Variants in RGS6 observed in about 807,000 individuals in gnomAD.
The protein encoded by RGS6 is regulator of G-protein signaling 6.
RGS6 carries 30 observed loss-of-function variants against 78.5 expected under a neutral mutation model. The observed-to-expected ratio is 0.38, with a 90% confidence interval of 0.29 to 0.52. RGS6 has a LOEUF of 0.52. Among genes scored for constraint, RGS6 ranks in the 20% least tolerant of loss-of-function variants. The pLI is 0.85. For synonymous variants in RGS6, 206 were observed against 206.0 expected, an observed-to-expected ratio of 1.00 and a Z score of 0.00; for missense variants, 495 against 609.7, an observed-to-expected ratio of 0.81 and a Z score of 1.98.
intron 2 of RGS6, among the ~76,000 whole-genome samples, chr14:72,319,849 C>T (rs1211151565): frequency 1.3e-5 from 2 of 152,040 alleles, no homozygotes; most frequent in African/African-American, 4.8e-5. Context: ...CAATATATCC[C>T]TGAAGAAGAG....
intron 3 of RGS6, among the ~76,000 whole-genome samples, chr14:72,446,253 A>C (rs11628490): frequency 1.3e-5 from 2 of 151,998 alleles, no homozygotes; most frequent in Admixed American, 1.3e-4. Context: ...CCAGAACCAT[A>C]GACAATAAAT....
chr14:72,379,678 G>T (rs2085564958), intron 3 of RGS6, among the ~76,000 whole-genome samples: 1 of 151,854 alleles, frequency 6.6e-6, no homozygotes, highest in Non-Finnish European at 1.5e-5. Flanking sequence ...AGTTGAAGAG[G>T]ATACAAATGG....
chr14:72,108,102 T>C (rs908372341), intron 2 of RGS6, among the ~76,000 whole-genome samples: 2 of 152,176 alleles, frequency 1.3e-5, no homozygotes, highest in African/African-American at 4.8e-5. Context: ...GCTCATTCTG[T>C]AGTAGTCGCC....
intron 2 of RGS6, among the ~76,000 whole-genome samples, chr14:71,984,236 A>G (rs535528437): frequency 2.0e-5 from 3 of 151,612 alleles, no homozygotes; most frequent in African/African-American, 7.3e-5. Flanking sequence ...TGCTATCAGA[A>G]TTTGAATCTA....
intron 2 of RGS6, among the ~76,000 whole-genome samples, chr14:72,194,943 A>G (rs1337244799): frequency 6.6e-6 from 1 of 152,152 alleles, no homozygotes; most frequent in Non-Finnish European, 1.5e-5. Flanking sequence ...GCAGTGGCTC[A>G]CACCTGTCAA....
chr14:71,944,638 A>T (rs1264461069), intron 1 of RGS6, among the ~76,000 whole-genome samples: 1 of 152,248 alleles, frequency 6.6e-6, no homozygotes, highest in Non-Finnish European at 1.5e-5. Flanking sequence ...CAGAGACAGC[A>T]TTTTATCATC....
intron 1 of RGS6, among the ~76,000 whole-genome samples, chr14:71,940,702 T>C (rs999755419): frequency 2.0e-5 from 3 of 152,214 alleles, no homozygotes; most frequent in African/African-American, 7.2e-5. Flanking sequence ...CATTTTGTAG[T>C]TGAGTGACTG....
intron 2 of RGS6, among the ~76,000 whole-genome samples, chr14:72,223,334 C>G (rs942326643): frequency 2.0e-5 from 3 of 152,174 alleles, no homozygotes; most frequent in Non-Finnish European, 4.4e-5. Flanking sequence ...CAAATGGCGA[C>G]GTAGCATTGA....
chr14:72,582,236 A>G, the RGS6 span, among the ~76,000 whole-genome samples: 54,919 of 151,936 alleles, frequency 0.36, 10,831 homozygotes, highest in Non-Finnish European at 0.43. Flanking sequence ...TTCAGTGGAA[A>G]CAAACCATAC....
chr14:72,058,628 A>G (rs1041598973), intron 2 of RGS6, among the ~76,000 whole-genome samples: 3 of 152,110 alleles, frequency 2.0e-5, no homozygotes, highest in African/African-American at 4.8e-5. Flanking sequence ...GTTCAGAGAG[A>G]TGAAGTCACT....
the RGS6 span, among the ~76,000 whole-genome samples, chr14:72,597,767 T>C: frequency 6.6e-6 from 1 of 152,180 alleles, no homozygotes; most frequent in East Asian, 1.9e-4. Flanking sequence ...TTATTTTTCC[T>C]GGACTTGGGT....
intron 17 of RGS6, among the ~76,000 whole-genome samples, chr14:72,548,895 G>A (rs1401626415): frequency 4.6e-5 from 7 of 152,178 alleles, no homozygotes; most frequent in South Asian, 2.1e-4. Context: ...AAAGGGCAAC[G>A]AGCTCCATGT....
At chr14:72,220,089 C>T (rs959752431) in intron 2 of RGS6, among the ~76,000 whole-genome samples, 1 of 152,156 alleles carries the variant, frequency 6.6e-6, no homozygotes, top group Non-Finnish European at 1.5e-5. Context: ...TATATAACAA[C>T]ATTCAAGCTA....
intron 2 of RGS6, among the ~76,000 whole-genome samples, chr14:72,303,804 A>T (rs1353049035): frequency 4.7e-5 from 7 of 150,164 alleles, no homozygotes; most frequent in Non-Finnish European, 1.1e-4. Flanking sequence ...CTTTCATCTA[A>T]AAAGTAGCAT....
At chr14:72,005,346 CAT>C (rs750214930) in intron 2 of RGS6, among the ~76,000 whole-genome samples, 1 of 151,984 alleles carries the variant, frequency 6.6e-6, no homozygotes, top group Non-Finnish European at 1.5e-5. Flanking sequence ...GAAAGTATTA[CAT>C]GTTATTTAAT....
intron 2 of RGS6, among the ~76,000 whole-genome samples, chr14:72,006,389 C>A (rs535533020): frequency 2.0e-5 from 3 of 152,198 alleles, no homozygotes; most frequent in Non-Finnish European, 4.4e-5. Context: ...ATGACAGACG[C>A]GACCATATGT....
intron 14 of RGS6, 28 bp downstream of exon 14, chr14:72,510,307 G>A: frequency 6.2e-7 from 1 of 1,613,926 alleles, no homozygotes; most frequent in South Asian, 1.1e-5. Flanking sequence ...TGAGCTGTGT[G>A]CGGAATGTGT....
chr14:72,310,300 G>A lies in RGS6; in HGVS notation c.85-41795G>A, dbSNP rs531791423. Among the ~76,000 whole-genome samples the A allele has an allele frequency of 2.0e-5, 3 of 152,294 alleles. No individual in the cohort carries two copies. In the South Asian group the frequency reaches 6.2e-4, roughly 32 times the overall value. ...GGCGTCAGCCGCTGGTCTTGAGGAG[G>A]GTTTGTTTCTCTCCTCTGTCTTCTA... On this transcript the variant is annotated intron_variant, in intron 2 of 17. Transcript: ENST00000553525.
the RGS6 span, among the ~76,000 whole-genome samples, chr14:71,889,643 G>T: frequency 6.6e-6 from 1 of 152,162 alleles, no homozygotes; most frequent in African/African-American, 2.4e-5. Flanking sequence ...CAGGGCGTAA[G>T]GTACAGAAAG....
Sources: gnomAD v4.1 joint callset for allele counts (sites outside exome capture counted in the v4.1 genomes callset) on GRCh38, gnomAD v4.1.1 for gene constraint, MANE v1.5 for transcripts, NCBI Gene and HGNC (gene_info 2026-07-23, HGNC 2026-07-21) for gene names.